Variants in SCN11A observed in about 807,000 individuals in gnomAD.
The protein encoded by SCN11A is sodium voltage-gated channel alpha subunit 11.
A neutral mutation model predicts 162.2 loss-of-function variants in SCN11A; 122 were observed. The observed-to-expected ratio is 0.75, with a 90% CI of 0.65 to 0.87. The LOEUF (loss-of-function observed/expected upper bound fraction) is 0.87, where lower values mean the gene tolerates loss of function less well. Ranked by LOEUF, SCN11A falls within the 40% of genes least tolerant of loss-of-function variation. The pLI is 0.00. For missense variants in SCN11A, 2,015 were observed against 2,181.6 expected (o/e 0.92, Z 1.52); for synonymous variants, 758 against 751.5 (o/e 1.01, Z -0.14).
At chr3:38,922,214 G>A (rs1342469985) in intron 9 of SCN11A, among the ~76,000 whole-genome samples, 1 of 152,218 alleles carries the variant, frequency 6.6e-6, no homozygotes, top group East Asian at 1.9e-4. Flanking sequence ...AGCATACAGT[G>A]GGAGGCCAAG....
intron 2 of SCN11A, among the ~76,000 whole-genome samples, chr3:39,017,218 C>A (rs898733887): frequency 6.6e-6 from 1 of 152,190 alleles, no homozygotes; most frequent in African/African-American, 2.4e-5. Flanking sequence ...TTCTGCAAAC[C>A]AGAAAGTGAG....
intron 11 of SCN11A, 109 bp from the exon 12 acceptor site, chr3:38,910,316 C>T: frequency 9.1e-7 from 1 of 1,099,422 alleles, no homozygotes; most frequent in Non-Finnish European, 1.3e-6. Flanking sequence ...CACCAGGAGC[C>T]CTAGAGGAAG....
chr3:39,051,120 GTT>G (rs199801324), intron 1 of SCN11A, among the ~76,000 whole-genome samples: 1 of 146,082 alleles, frequency 6.8e-6, no homozygotes, highest in Non-Finnish European at 1.5e-5. Context: ...TTTTTGTCTT[GTT>G]TTTTTTTTTT....
chr3:38,905,362 T>C, intron 14 of SCN11A, 41 bp from the exon 15 acceptor site: 1 of 1,593,050 alleles, frequency 6.3e-7, no homozygotes, highest in Non-Finnish European at 8.6e-7. Context: ...AGACAGGGGC[T>C]GCCTCTCCTC....
intron 9 of SCN11A, among the ~76,000 whole-genome samples, chr3:38,921,795 TTTCATTCA>T (rs140805063): frequency 6.6e-6 from 1 of 152,140 alleles, no homozygotes; most frequent in Admixed American, 6.5e-5. Context: ...GGTGTTTTCT[TTTCATTCA>T]TTCATTCATT....
intron 2 of SCN11A, among the ~76,000 whole-genome samples, chr3:38,965,714 A>G (rs1287028773): frequency 6.6e-6 from 1 of 151,144 alleles, no homozygotes; most frequent in African/African-American, 2.4e-5. Flanking sequence ...TTTTTTTCAT[A>G]TGACAAGGTG....
Position 38,985,563 on chromosome 3 carries a change from G to A in SCN11A, c.-279-25140C>T, listed in dbSNP as rs947101081. On this transcript the variant is annotated intron_variant, in intron 2 of 29. Transcript: ENST00000302328. ...AGCTATGGCAGTGAAGATGGAGAAA[G>A]GCAGATAGATTTGTGAAACCATTTC... Among the ~76,000 whole-genome samples the A allele has an allele frequency of 7.9e-5, 12 of 150,944 alleles. 1 individual carries two copies. Among genetic ancestry groups the A allele is most frequent in the Non-Finnish European group, 1.5e-4 (10 of 68,014 alleles).
At chr3:39,024,373 C>T (rs1288019631) in intron 2 of SCN11A, among the ~76,000 whole-genome samples, 2 of 152,210 alleles carry the variant, frequency 1.3e-5, no homozygotes, top group Non-Finnish European at 2.9e-5. Context: ...GGGCAGGACC[C>T]TTTGGAATGA....
intron 28 of SCN11A, among the ~76,000 whole-genome samples, chr3:38,857,468 T>TA (rs1559489674): frequency 6.6e-6 from 1 of 151,846 alleles, no homozygotes; most frequent in Non-Finnish European, 1.5e-5. Context: ...GAAAAAAGTT[T>TA]AAAAAATGAA....
Position 38,871,510 on chromosome 3 carries a change from A to G in SCN11A, c.3694T>C (p.Ser1232Pro), listed in dbSNP as rs2126095851. 1.2e-6 allele frequency: 2 copies of G among 1,613,284 alleles called. No homozygotes were observed. The highest frequency in any genetic ancestry group is 8.5e-7 in the Non-Finnish European group (1 of 1,179,578). Reference protein sequence around the residue: ...NKSQCESGNFSWINQKVNFDN... With the variant: ...NKSQCESGNFPWINQKVNFDN... Reference sequence around the variant, plus strand: ...AAGTTGACTTTCTGGTTGATCCAAGAGAAATTGCCACTTTCACATTGACTT... The same window carrying G: ...AAGTTGACTTTCTGGTTGATCCAAGGGAAATTGCCACTTTCACATTGACTT... The change falls in exon 25 of 30, where the codon TCT becomes CCT. Residue 1232 changes from serine to proline, a missense_variant. Physicochemically the swap from Ser to Pro is moderately conservative, Grantham distance 74 (BLOSUM62 -1). Transcript: ENST00000302328.
chr3:38,944,980 T>TA, intron 7 of SCN11A, among the ~76,000 whole-genome samples: 2 of 151,012 alleles, frequency 1.3e-5, no homozygotes, highest in East Asian at 1.9e-4. Context: ...TAAAAAAAAA[T>TA]AAAAAAAGAA....
chr3:38,930,186 C>G (rs2066219612), intron 7 of SCN11A, among the ~76,000 whole-genome samples: 1 of 152,134 alleles, frequency 6.6e-6, no homozygotes, highest in Non-Finnish European at 1.5e-5. Context: ...AGAAGTGGAC[C>G]TTTTCTGGTA....
chr3:39,035,067 A>G (rs1052408157), intron 1 of SCN11A, among the ~76,000 whole-genome samples: 1 of 152,190 alleles, frequency 6.6e-6, no homozygotes, highest in African/African-American at 2.4e-5. Flanking sequence ...GAAAATAACA[A>G]TAACATTCTT....
At chr3:38,917,370 T>C (rs2065975431) in intron 11 of SCN11A, among the ~76,000 whole-genome samples, 1 of 152,194 alleles carries the variant, frequency 6.6e-6, no homozygotes. Context: ...CAAGTGAAAG[T>C]TCATTGTCAC....
chr3:38,935,026 G>C (rs908590667), intron 7 of SCN11A, among the ~76,000 whole-genome samples: 3 of 152,096 alleles, frequency 2.0e-5, no homozygotes, highest in African/African-American at 7.2e-5. Flanking sequence ...ATAACAAACT[G>C]TCTCTCGGAC....
Position 38,905,187 on chromosome 3 carries a change from C to T in SCN11A, c.1603+5G>A. Reference sequence around the variant, plus strand: ...CTTTCCCTTGGATTGGGATGTGGAACTTACCCTTCATGGTGATGGTGAGGA... The same window carrying T: ...CTTTCCCTTGGATTGGGATGTGGAATTTACCCTTCATGGTGATGGTGAGGA... On this transcript the variant is annotated splice_donor_5th_base_variant and intron_variant, in intron 15 of 29. Transcript: ENST00000302328. 1 of 1,613,986 alleles carries T rather than the reference C, an allele frequency of 6.2e-7. No individual in the cohort carries two copies. The highest frequency in any genetic ancestry group is 8.5e-7 in the Non-Finnish European group (1 of 1,179,922).
At chr3:38,912,631 AC>A (rs1224464574) in intron 11 of SCN11A, among the ~76,000 whole-genome samples, 1 of 151,892 alleles carries the variant, frequency 6.6e-6, no homozygotes, top group African/African-American at 2.4e-5. Flanking sequence ...TGCTGCTCCT[AC>A]CCTTCATCCT....
At chr3:38,864,329 T>C (rs758087135) in intron 27 of SCN11A, among the ~76,000 whole-genome samples, 20 of 152,164 alleles carry the variant, frequency 1.3e-4, no homozygotes, top group Non-Finnish European at 2.6e-4. Context: ...AACCTAAAAA[T>C]TAATCAAGTT....
intron 1 of SCN11A, among the ~76,000 whole-genome samples, chr3:39,049,659 A>G (rs905962565): frequency 6.6e-6 from 1 of 152,134 alleles, no homozygotes; most frequent in Non-Finnish European, 1.5e-5. Flanking sequence ...TGCCATTGCC[A>G]TTGCCATTTA....
Sources: gnomAD v4.1 joint callset for allele counts (sites outside exome capture counted in the v4.1 genomes callset) on GRCh38, gnomAD v4.1.1 for gene constraint, MANE v1.5 for transcripts, NCBI Gene and HGNC (gene_info 2026-07-23, HGNC 2026-07-21) for gene names.